The following FCER1A variants were observed in gnomAD, a reference collection of about 807,000 sequenced individuals.
The protein encoded by FCER1A is Fc epsilon receptor Ia.
A neutral mutation model predicts 23.6 loss-of-function variants in FCER1A; 24 were observed. That is an observed-to-expected ratio of 1.02 (90% CI 0.74 to 1.43). The LOEUF (loss-of-function observed/expected upper bound fraction) is 1.43, where lower values mean the gene tolerates loss of function less well. FCER1A is among the 40% of genes most tolerant of loss of function. The pLI, the probability that FCER1A is intolerant of heterozygous loss-of-function variation, is 0.00. For missense variants in FCER1A, 318 were observed against 294.5 expected, an observed-to-expected ratio of 1.08 and a Z score of -0.58; for synonymous variants, 121 against 108.8, an observed-to-expected ratio of 1.11 and a Z score of -0.70.
At chr1:159,305,263 A>G (rs1441281181) in intron 3 of FCER1A, among the ~76,000 whole-genome samples, 2 of 152,240 alleles carry the variant, frequency 1.3e-5, no homozygotes, top group African/African-American at 4.8e-5. Flanking sequence ...TATGCTAGCG[A>G]TATTTCCTTT....
At chr1:159,302,914 T>C in intron 2 of FCER1A, 40 bp downstream of exon 2, 2 of 1,590,310 alleles carry the variant, frequency 1.3e-6, no homozygotes, top group African/African-American at 1.3e-5. Flanking sequence ...TTTCAACATG[T>C]CTGGGCATTG....
upstream of FCER1A, among the ~76,000 whole-genome samples, chr1:159,288,152 G>T (rs759193247): frequency 6.6e-6 from 1 of 152,172 alleles, no homozygotes; most frequent in East Asian, 1.9e-4. Flanking sequence ...GAAAGTGAAA[G>T]CCATATAGAA....
At chr1:159,304,272 G>A in intron 3 of FCER1A, 90 bp downstream of exon 3, 6 of 1,314,608 alleles carry the variant, frequency 4.6e-6, no homozygotes, top group East Asian at 2.3e-5. Context: ...CAAGGGTTAG[G>A]ACACCAGAGT....
Position 159,306,117 on chromosome 1 carries a change from A to G in FCER1A, c.461A>G (p.Tyr154Cys), listed in dbSNP as rs1456033868. 6.2e-7 allele frequency: 1 copy of G among 1,614,150 alleles called. No homozygotes were observed. Among genetic ancestry groups the G allele is most frequent in the Non-Finnish European group, 8.5e-7 (1 of 1,180,016 alleles). Reference sequence around the variant, plus strand: ...TATAAGGATGGTGAAGCTCTCAAGTACTGGTATGAGAACCACAACATCTCC... The same window carrying G: ...TATAAGGATGGTGAAGCTCTCAAGTGCTGGTATGAGAACCACAACATCTCC... The part of the protein sequence containing the change: ...IYYKDGEALK[Y>C]WYENHNISIT... Residue 154 changes from tyrosine (Y) to cysteine (C), a missense_variant, in exon 4 of 5, where the codon TAC becomes TGC. Transcript: ENST00000693622.
intron 4 of FCER1A, among the ~76,000 whole-genome samples, chr1:159,306,971 G>A (rs773313426): frequency 3.9e-5 from 6 of 152,200 alleles, no homozygotes; most frequent in Non-Finnish European, 7.3e-5. Context: ...AGACTGAAGT[G>A]CTATGTACTT....
intron 1 of FCER1A, among the ~76,000 whole-genome samples, chr1:159,294,021 A>G (rs1652231956): frequency 6.6e-6 from 1 of 152,094 alleles, no homozygotes; most frequent in African/African-American, 2.4e-5. Context: ...ACAATGAGAT[A>G]CCATCTCACA....
chr1:159,285,843 A>G (rs1204190635), upstream of FCER1A, among the ~76,000 whole-genome samples: 2 of 152,278 alleles, frequency 1.3e-5, no homozygotes, highest in African/African-American at 4.8e-5. Context: ...ATTTCAAAAT[A>G]CTATATTGTA....
the FCER1A span, among the ~76,000 whole-genome samples, chr1:159,284,425 C>G: frequency 1.3e-5 from 2 of 152,246 alleles, no homozygotes; most frequent in African/African-American, 4.8e-5. Context: ...TCCATTCATA[C>G]AGTCTCTGCA....
Position 159,304,028 on chromosome 1 carries a change from C to G in FCER1A, c.177C>G (p.Val59=), listed in dbSNP as rs757006141. Residue 59 remains valine (V), a synonymous_variant, in exon 3 of 5, where the codon GTC becomes GTG. Coordinates refer to ENST00000693622, the MANE Select transcript of FCER1A (RefSeq NM_001387280.1). ...LTCNGNNFFE[V]SSTKWFHNGS... is the part of the protein sequence containing the mutation. ...GTAATGGGAACAATTTCTTTGAAGTCAGTTCCACCAAATGGTTCCACAATG... is the reference window on the plus strand; with the variant it reads ...GTAATGGGAACAATTTCTTTGAAGTGAGTTCCACCAAATGGTTCCACAATG... 1.1e-5 allele frequency: 17 copies of G among 1,613,920 alleles called. No homozygotes were observed. Among genetic ancestry groups the G allele is most frequent in the Non-Finnish European group, 1.4e-5 (16 of 1,179,818 alleles).
At chr1:159,303,578 C>T (rs1369703472) in intron 2 of FCER1A, among the ~76,000 whole-genome samples, 3 of 152,204 alleles carry the variant, frequency 2.0e-5, no homozygotes, top group Non-Finnish European at 2.9e-5. Context: ...TTGAACATGG[C>T]AGACAGTGTT....
upstream of FCER1A, among the ~76,000 whole-genome samples, chr1:159,300,897 T>C (rs1205761836): frequency 1.3e-5 from 2 of 152,184 alleles, no homozygotes; most frequent in Non-Finnish European, 2.9e-5. Context: ...AATTCAGAGC[T>C]TAAAACACAA....
intron 1 of FCER1A, among the ~76,000 whole-genome samples, chr1:159,297,182 G>C (rs570250664): frequency 2.6e-5 from 4 of 152,152 alleles, no homozygotes; most frequent in African/African-American, 7.2e-5. Context: ...TCTCTGTCTC[G>C]TACCACACCT....
chr1:159,290,870 T>C (rs1196029897), intron 1 of FCER1A, among the ~76,000 whole-genome samples: 1 of 54,900 alleles, frequency 1.8e-5, no homozygotes, highest in Non-Finnish European at 3.3e-5. Context: ...TTGGATGAAC[T>C]CCCTTCTGCA....
chr1:159,307,124 TG>T (rs1271052688), intron 4 of FCER1A, among the ~76,000 whole-genome samples: 3 of 152,178 alleles, frequency 2.0e-5, no homozygotes, highest in African/African-American at 7.2e-5. Context: ...GGGTGCAGCC[TG>T]GGTATACGTA....
At position 159,304,240 on chromosome 1, in the gene FCER1A, G is replaced by A. The variant is rs1029817347; in HGVS notation, c.331+58G>A. The A allele has an allele frequency of 5.2e-6, 8 of 1,546,244 alleles. No individual in the cohort carries two copies. The African/African-American group carries it at 8.2e-5, about 16-fold the overall frequency. On this transcript the variant is annotated intron_variant, in intron 3 of 4. Transcript: ENST00000693622. ...TCATGTGAGGGATGGCTCATCTGAA[G>A]ATGGGAAAAAACAGGTTATTCCAAG...
upstream of FCER1A, chr1:159,302,293 T>G: frequency 9.8e-7 from 1 of 1,023,498 alleles, no homozygotes; most frequent in Non-Finnish European, 1.6e-6. Context: ...TCCTTCTGCT[T>G]TTTGGTTTTA....
At chr1:159,284,049 G>A in the FCER1A span, among the ~76,000 whole-genome samples, 4 of 152,126 alleles carry the variant, frequency 2.6e-5, no homozygotes, top group African/African-American at 9.7e-5. Flanking sequence ...AGTAAACCAC[G>A]TGAATACTGG....
At position 159,307,899 on chromosome 1, in the gene FCER1A, C is replaced by A. The variant is rs41264475; in HGVS notation, c.741C>A (p.Asn247Lys). 15,221 of 1,611,768 alleles carry A rather than the reference C, an allele frequency of 9.4e-3. 102 individuals carry two copies. The highest frequency in any genetic ancestry group is 0.012 in the Admixed American group (714 of 59,990). The change falls in exon 5 of 5, where the codon AAC (asparagine) becomes AAA (lysine). Residue 247 changes from asparagine to lysine, a missense_variant. By Grantham distance (94) the Asn-to-Lys change is moderately conservative (BLOSUM62 0). Transcript: ENST00000693622. ...KRTRKGFRLL[N>K]PHPKPNPKNN ...CCAGGAAAGGCTTCAGACTTCTGAA[C>A]CCACATCCTAAGCCAAACCCCAAAA...
upstream of FCER1A, among the ~76,000 whole-genome samples, chr1:159,285,326 G>T (rs989745276): frequency 2.6e-5 from 4 of 152,176 alleles, no homozygotes; most frequent in African/African-American, 9.6e-5. Context: ...ACATTAAAAA[G>T]CCAGGTCAAA....
Sources: allele counts gnomAD v4.1 joint callset (sites outside exome capture counted in the v4.1 genomes callset), GRCh38; gene constraint gnomAD v4.1.1; transcripts MANE v1.5; gene names NCBI Gene and HGNC (gene_info 2026-07-23, HGNC 2026-07-21).